The following CARM1 variants were observed in gnomAD, a reference collection of about 807,000 sequenced individuals.
CARM1 encodes the protein coactivator associated arginine methyltransferase 1.
CARM1 carries 14 observed loss-of-function variants against 72.7 expected under a neutral mutation model. The ratio of observed to expected loss-of-function variants is 0.19; its 90% confidence interval spans 0.13 to 0.30. The LOEUF (loss-of-function observed/expected upper bound fraction) is 0.30. CARM1 is among the 10% of genes least tolerant of loss of function. CARM1 has a pLI of 1.00. For missense variants in CARM1, 432 were observed against 833.7 expected (o/e 0.52, Z 5.93); for synonymous variants, 333 against 345.5 (o/e 0.96, Z 0.40).
intron 1 of CARM1, among the ~76,000 whole-genome samples, chr19:10,890,314 C>G (rs1156516481): frequency 6.8e-6 from 1 of 147,720 alleles, no homozygotes; most frequent in Admixed American, 6.8e-5. Context: ...GTTGTCCAGG[C>G]TGGAGTGCAG....
At chr19:10,918,274 A>G (rs1015418683) in intron 8 of CARM1, among the ~76,000 whole-genome samples, 3 of 152,144 alleles carry the variant, frequency 2.0e-5, no homozygotes, top group South Asian at 4.1e-4. Flanking sequence ...AGGCTGGAGT[A>G]CAGTGGCTCA....
intron 1 of CARM1, among the ~76,000 whole-genome samples, chr19:10,874,302 C>G (rs1473116045): frequency 6.6e-6 from 1 of 152,046 alleles, no homozygotes; most frequent in Non-Finnish European, 1.5e-5. Flanking sequence ...AGCCTCAGTC[C>G]CAGATTCCCA....
At position 10,912,954 on chromosome 19, in the gene CARM1, G is replaced by A. The variant is rs890547840; in HGVS notation, c.669+660G>A. Among the ~76,000 whole-genome samples, 154 of 152,288 alleles carry A rather than the reference G, an allele frequency of 1.0e-3. No individual in the cohort carries two copies. Among genetic ancestry groups the A allele is most frequent in the East Asian group, 9.7e-4 (5 of 5,178 alleles). ...TAGGACACACCCTAGCCCTGGAATC[G>A]CTGGGTTGGGGGTGCATCCAGCTTT... is the stretch of plus-strand genomic sequence containing the variant. On this transcript the variant is annotated intron_variant, in intron 5 of 15. Transcript: ENST00000327064. The surrounding 1 kb of genome is among the most constrained non-coding windows in gnomAD (Gnocchi z 4.5).
chr19:10,883,755 C>T (rs939233010), intron 1 of CARM1, among the ~76,000 whole-genome samples: 12 of 152,172 alleles, frequency 7.9e-5, no homozygotes, highest in South Asian at 2.1e-4. Context: ...TGGTGGCTCA[C>T]GCCTGTAATC....
At chr19:10,909,310 T>G in intron 4 of CARM1, 103 bp downstream of exon 4, 2 of 733,102 alleles carry the variant, frequency 2.7e-6, no homozygotes. Context: ...GAAATGCATT[T>G]ATCTCAGTTA....
At position 10,913,045 on chromosome 19, in the gene CARM1, A is replaced by G. The variant is rs1022828312; in HGVS notation, c.669+751A>G. 2.0e-5 allele frequency among the ~76,000 whole-genome samples: 3 copies of G among 151,652 alleles called. No individual in the cohort carries two copies. The East Asian group carries it at 5.9e-4, about 30-fold the overall frequency. ...TGCAGCCACCAGCAGTTGTCGACGCAGGGTGGGGGACCTAGGAGGCCGCAG... is the reference window on the plus strand; with the variant it reads ...TGCAGCCACCAGCAGTTGTCGACGCGGGGTGGGGGACCTAGGAGGCCGCAG... On this transcript the variant is annotated intron_variant, in intron 5 of 15. Transcript: ENST00000327064.
intron 1 of CARM1, among the ~76,000 whole-genome samples, chr19:10,900,951 G>T (rs567450967): frequency 4.6e-5 from 7 of 151,964 alleles, no homozygotes; most frequent in Non-Finnish European, 8.8e-5. Context: ...CCAAAGTGCT[G>T]GGATTACAGG....
Position 10,916,858 on chromosome 19 carries a change from C to T in CARM1, c.1020+81C>T. 9.1e-7 allele frequency: 1 copy of T among 1,096,254 alleles called. No individual in the cohort carries two copies. The highest frequency in any genetic ancestry group is 1.3e-6 in the Non-Finnish European group (1 of 749,382). 67.9% of individuals were successfully genotyped at this position (1,096,254 alleles called of 1,614,324 possible). Reference sequence around the variant, plus strand: ...TGTGCAGCCCTCAGGAAGCTACAGCCCCTCTCTGAGCCCTCTCCTCTGCCC... The same window carrying T: ...TGTGCAGCCCTCAGGAAGCTACAGCTCCTCTCTGAGCCCTCTCCTCTGCCC... On this transcript the variant is annotated intron_variant, in intron 8 of 15. Transcript: ENST00000327064. This position sits in a 1 kb window ranked among gnomAD's most constrained non-coding sequence, Gnocchi z 4.4.
chr19:10,874,081 A>G (rs1445959156), intron 1 of CARM1, among the ~76,000 whole-genome samples: 1 of 152,130 alleles, frequency 6.6e-6, no homozygotes, highest in East Asian at 1.9e-4. Flanking sequence ...TGTTATTAAG[A>G]CAGCACTTCT....
chr19:10,917,550 G>T (rs908426606), intron 8 of CARM1, among the ~76,000 whole-genome samples: 3 of 152,036 alleles, frequency 2.0e-5, no homozygotes, highest in Admixed American at 6.6e-5. Flanking sequence ...CGTTTTGGGA[G>T]ACTCTTGGAC....
Position 10,922,827 on chromosome 19 carries a change from AGAT to A in CARM1, c.*1072_*1074del, listed in dbSNP as rs960409329. 1 of 154,714 alleles carries A rather than the reference AGAT, an allele frequency of 6.5e-6. No homozygotes were observed. The highest frequency in any genetic ancestry group is 1.4e-5 in the Non-Finnish European group (1 of 69,778). 9.6% of individuals were successfully genotyped at this position (154,714 alleles called of 1,614,324 possible). Reference sequence around the variant, plus strand: ...CCCTGTTTCTCATACCCCCAAACTCAGATGCTGGAGCTCAGGCCCGCCGTGTGT... The same window carrying A: ...CCCTGTTTCTCATACCCCCAAACTCAGCTGGAGCTCAGGCCCGCCGTGTGT... On this transcript the variant is annotated 3_prime_UTR_variant, in exon 16 of 16. Coordinates refer to ENST00000327064, the MANE Select transcript of CARM1 (RefSeq NM_199141.2).
intron 2 of CARM1, 115 bp from the exon 3 acceptor site, chr19:10,907,924 C>A (rs933615247): frequency 1.5e-6 from 1 of 675,840 alleles, no homozygotes; most frequent in African/African-American, 1.8e-5. Flanking sequence ...AATCACCAGC[C>A]CTGTATGTTC....
At chr19:10,905,983 CTG>C (rs1213530140) in intron 2 of CARM1, among the ~76,000 whole-genome samples, 2 of 111,814 alleles carry the variant, frequency 1.8e-5, no homozygotes, top group African/African-American at 7.0e-5. Flanking sequence ...GAGTGTCACT[CTG>C]TTGCCCAGGC....
intron 14 of CARM1, 101 bp from the exon 15 acceptor site, chr19:10,921,274 T>C: frequency 6.7e-7 from 1 of 1,483,706 alleles, no homozygotes; most frequent in Non-Finnish European, 9.4e-7. Flanking sequence ...AGGCTCTCCG[T>C]CCTCTCTGCC....
At position 10,909,224 on chromosome 19, in the gene CARM1, T is replaced by C. The variant is rs780672131; in HGVS notation, c.558+17T>C. 2.1e-5 allele frequency: 31 copies of C among 1,494,264 alleles called. No homozygotes were observed. Among genetic ancestry groups the C allele is most frequent in the Non-Finnish European group, 2.9e-5 (31 of 1,072,186 alleles). The allele number at this position is 1,494,264 out of a possible 1,614,324, so 92.6% of individuals were successfully genotyped here. A position where few individuals can be genotyped will look rare whatever the true frequency, so the allele number is the denominator to read the frequency against. On this transcript the variant is annotated intron_variant, in intron 4 of 15. Transcript: ENST00000327064. ...AAGGACAAGGTGAGTGGCCCGCGCA[T>C]GTGCCCACCTCTCTGCTTCTGTCTC...
chr19:10,918,975 G>A (rs1252821858), intron 8 of CARM1: 7 of 152,336 alleles, frequency 4.6e-5, no homozygotes, highest in African/African-American at 1.7e-4. Context: ...AAACATTGCT[G>A]GGAGTGGACA....
intron 1 of CARM1, among the ~76,000 whole-genome samples, chr19:10,897,569 GC>G (rs1368590141): frequency 6.6e-6 from 1 of 152,206 alleles, no homozygotes; most frequent in Non-Finnish European, 1.5e-5. Flanking sequence ...CCAGCGAGTA[GC>G]CCCAGGCTGG....
chr19:10,905,093 C>T lies in CARM1; in HGVS notation c.346+17C>T. On this transcript the variant is annotated intron_variant, in intron 2 of 15. Transcript: ENST00000327064. Reference sequence around the variant, plus strand: ...CACCCAACGGTACGTGGCCCTCCTTCCATTCCGGTGACACCAGCCCAAAGC... The same window carrying T: ...CACCCAACGGTACGTGGCCCTCCTTTCATTCCGGTGACACCAGCCCAAAGC... 1.2e-6 allele frequency: 2 copies of T among 1,611,620 alleles called. No individual in the cohort carries two copies. The highest frequency in any genetic ancestry group is 2.2e-5 in the South Asian group (2 of 90,956).
chr19:10,920,854 C>T lies in CARM1; in HGVS notation c.1445C>T (p.Ser482Leu), dbSNP rs2074238381. Residue 482 changes from serine (S) to leucine (L), a missense_variant, in exon 13 of 16, where the codon TCA becomes TTA. Ser to Leu is a moderately radical substitution (Grantham distance 145). Coordinates refer to ENST00000327064, the MANE Select transcript of CARM1 (RefSeq NM_199141.2). This position sits in a 1 kb window ranked among gnomAD's most constrained non-coding sequence, Gnocchi z 5.3. ...CATAGATACACGGGCACAACGCCCT[C>T]ACCCCCACCCGGCTCCCACTACACA... ...PFFRYTGTTP[S>L]PPPGSHYTSP... 1 of 1,614,118 alleles carries T rather than the reference C, an allele frequency of 6.2e-7. No individual in the cohort carries two copies. The highest frequency in any genetic ancestry group is 1.3e-5 in the African/African-American group (1 of 74,950).
Sources: gnomAD v4.1 joint callset for allele counts (sites outside exome capture counted in the v4.1 genomes callset) on GRCh38, gnomAD v4.1.1 for gene constraint, Gnocchi (gnomAD v3.1) non-coding constraint, MANE v1.5 for transcripts, NCBI Gene and HGNC (gene_info 2026-07-23, HGNC 2026-07-21) for gene names.